The following ADGRB3 variants were observed in gnomAD, a reference collection of about 807,000 sequenced individuals.
The protein encoded by ADGRB3 is brain-specific angiogenesis inhibitor 3.
A neutral mutation model predicts 193.4 loss-of-function variants in ADGRB3; 37 were observed. The ratio of observed to expected loss-of-function variants is 0.19; its 90% CI spans 0.15 to 0.25. The LOEUF is 0.25. ADGRB3 is among the 10% of genes least tolerant of loss of function. The pLI, the probability that ADGRB3 is intolerant of heterozygous loss-of-function variation, is 1.00. For missense variants in ADGRB3, 1,637 were observed against 1,852.9 expected (o/e 0.88, Z 2.14); for synonymous variants, 690 against 644.2 (o/e 1.07, Z -1.08).
intron 10 of ADGRB3, among the ~76,000 whole-genome samples, chr6:68,985,408 A>G (rs1033845575): frequency 6.6e-6 from 1 of 152,204 alleles, no homozygotes; most frequent in African/African-American, 2.4e-5. Flanking sequence ...AGAGAGAGGC[A>G]AAGAAGTAAA....
At chr6:69,144,602 A>G (rs1373230613) in intron 17 of ADGRB3, among the ~76,000 whole-genome samples, 1 of 152,154 alleles carries the variant, frequency 6.6e-6, no homozygotes, top group African/African-American at 2.4e-5. Flanking sequence ...CAGTTATTTT[A>G]GGGTTTTTAT....
chr6:68,930,467 G>C, intron 3 of ADGRB3, 92 bp from the exon 4 acceptor site: 1 of 677,836 alleles, frequency 1.5e-6, no homozygotes. Flanking sequence ...TTATCTTCTA[G>C]GTATGTATAG....
chr6:69,287,006 A>G (rs1278165246), intron 20 of ADGRB3, among the ~76,000 whole-genome samples: 1 of 152,180 alleles, frequency 6.6e-6, no homozygotes, highest in Non-Finnish European at 1.5e-5. Context: ...CCACTGAACC[A>G]TTTCATATGA....
chr6:69,273,557 G>A (rs958487868), intron 20 of ADGRB3, among the ~76,000 whole-genome samples: 4 of 152,192 alleles, frequency 2.6e-5, no homozygotes, highest in African/African-American at 7.2e-5. Context: ...CTGGAATTGA[G>A]ATTAGGAACT....
intron 3 of ADGRB3, among the ~76,000 whole-genome samples, chr6:68,670,892 A>G (rs1768938330): frequency 6.6e-6 from 1 of 152,028 alleles, no homozygotes. Context: ...ATCCATGAAC[A>G]TTGAATATTT....
At chr6:68,859,934 G>A (rs1391314436) in intron 3 of ADGRB3, among the ~76,000 whole-genome samples, 1 of 152,014 alleles carries the variant, frequency 6.6e-6, no homozygotes, top group East Asian at 1.9e-4. Flanking sequence ...AGAAAATATA[G>A]AAATATGAAA....
chr6:69,208,801 A>G lies in ADGRB3; in HGVS notation c.2481-24489A>G, dbSNP rs372416212. On this transcript the variant is annotated intron_variant, in intron 17 of 31. Coordinates refer to ENST00000370598, the MANE Select transcript of ADGRB3 (RefSeq NM_001704.3). ...GACCTGCTCAAGCCCAATCACATATATACCACTTCCATTTGATGATGGAAT... is the reference window on the plus strand; with the variant it reads ...GACCTGCTCAAGCCCAATCACATATGTACCACTTCCATTTGATGATGGAAT... Among the ~76,000 whole-genome samples, 9 of 152,270 alleles carry G rather than the reference A, an allele frequency of 5.9e-5. No homozygotes were observed. In the East Asian group the frequency reaches 1.5e-3, roughly 26 times the overall value.
chr6:68,943,392 A>C (rs1422306395), intron 5 of ADGRB3, among the ~76,000 whole-genome samples: 1 of 152,140 alleles, frequency 6.6e-6, no homozygotes, highest in East Asian at 1.9e-4. Context: ...CATTAATCCC[A>C]AAATTTTATA....
rs182576375 is a variant in ADGRB3 at position 68,981,868 on chromosome 6, A to C, written c.1734+6528A>C. Among the ~76,000 whole-genome samples the C allele has an allele frequency of 7.2e-4, 103 of 143,730 alleles. 4 individuals carry two copies. Among genetic ancestry groups the C allele is most frequent in the East Asian group, 2.0e-3 (10 of 5,100 alleles). The allele number at this position is 143,730 out of a possible 152,430, so 94.3% of individuals were successfully genotyped here. On this transcript the variant is annotated intron_variant, in intron 10 of 31. Coordinates refer to ENST00000370598, the MANE Select transcript of ADGRB3 (RefSeq NM_001704.3). ...TTGTTATTTATTTATTTATTTATTT[A>C]TTTATTTATTTATTTATTTATTTAT... is the stretch of plus-strand genomic sequence containing the variant.
chr6:69,249,212 G>A (rs1359783983), intron 20 of ADGRB3, among the ~76,000 whole-genome samples: 5 of 152,142 alleles, frequency 3.3e-5, no homozygotes, highest in East Asian at 3.9e-4. Context: ...TCCTGACCTC[G>A]TGTTCTGCCT....
intron 10 of ADGRB3, among the ~76,000 whole-genome samples, chr6:68,991,623 A>G (rs893218281): frequency 1.3e-5 from 2 of 151,880 alleles, no homozygotes; most frequent in African/African-American, 4.8e-5. Context: ...TCCTAATGTT[A>G]TTGAGGAAGA....
rs185773387 is a variant in ADGRB3 at position 69,028,113 on chromosome 6, A to T, written c.2107+9614A>T. On this transcript the variant is annotated intron_variant, in intron 13 of 31. Transcript: ENST00000370598. Reference sequence around the variant, plus strand: ...CATTCTGTCATCATCCCACCATACAAATCCTTGGGCAAAAGCCAGAATGAA... The same window carrying T: ...CATTCTGTCATCATCCCACCATACATATCCTTGGGCAAAAGCCAGAATGAA... Among the ~76,000 whole-genome samples the T allele has an allele frequency of 1.5e-3, 229 of 152,306 alleles. 1 individual carries two copies. The highest frequency in any genetic ancestry group is 5.3e-3 in the African/African-American group (222 of 41,562).
chr6:68,669,344 A>C, intron 3 of ADGRB3, among the ~76,000 whole-genome samples: 1 of 151,784 alleles, frequency 6.6e-6, no homozygotes, highest in African/African-American at 2.4e-5. Flanking sequence ...ATTTGTTCTA[A>C]CTATTTCTTT....
intron 3 of ADGRB3, among the ~76,000 whole-genome samples, chr6:68,819,704 T>C (rs554358838): frequency 1.3e-5 from 2 of 152,194 alleles, no homozygotes; most frequent in South Asian, 2.1e-4. Context: ...ACCCTGTTGA[T>C]AGATAATAGT....
chr6:68,664,978 G>A (rs1295295473), intron 3 of ADGRB3, among the ~76,000 whole-genome samples: 3 of 151,676 alleles, frequency 2.0e-5, no homozygotes, highest in Non-Finnish European at 4.4e-5. Flanking sequence ...TCAGTTTTTG[G>A]TGTTCATGTA....
chr6:68,731,672 G>T (rs756605369), intron 3 of ADGRB3, among the ~76,000 whole-genome samples: 1 of 151,334 alleles, frequency 6.6e-6, no homozygotes, highest in Non-Finnish European at 1.5e-5. Context: ...AATGACATAT[G>T]CCTAAACCAA....
intron 31 of ADGRB3, 62 bp downstream of exon 31, chr6:69,382,997 C>A: frequency 9.1e-7 from 1 of 1,101,672 alleles, no homozygotes; most frequent in Non-Finnish European, 1.3e-6. Context: ...TTATTCCTGC[C>A]TTCCAGGACC....
At chr6:68,849,301 T>C (rs1353229755) in intron 3 of ADGRB3, among the ~76,000 whole-genome samples, 1 of 151,866 alleles carries the variant, frequency 6.6e-6, no homozygotes, top group Non-Finnish European at 1.5e-5. Flanking sequence ...GACCACAATG[T>C]AGACTAGCAT....
chr6:69,318,740 C>A (rs2127304621), intron 20 of ADGRB3, among the ~76,000 whole-genome samples: 1 of 151,146 alleles, frequency 6.6e-6, no homozygotes, highest in South Asian at 2.1e-4. Flanking sequence ...CTACTTCTTC[C>A]ATTATGACTC....
Sources: gnomAD v4.1 joint callset for allele counts (sites outside exome capture counted in the v4.1 genomes callset) on GRCh38, gnomAD v4.1.1 for gene constraint, MANE v1.5 for transcripts, NCBI Gene and HGNC (gene_info 2026-07-23, HGNC 2026-07-21) for gene names.